Variants in STARD13 observed in about 807,000 individuals in gnomAD.
STARD13 encodes the protein stAR-related lipid transfer protein 13.
In STARD13, 62 loss-of-function variants were observed where a neutral mutation model predicts 106.4. That is an observed-to-expected ratio of 0.58 (90% CI 0.48 to 0.72). STARD13 has a LOEUF of 0.72. Ranked by LOEUF, STARD13 falls within the 30% of genes least tolerant of loss-of-function variation. The pLI is 0.00. For missense variants in STARD13, 1,387 were observed against 1,424.0 expected, an observed-to-expected ratio of 0.97 and a Z score of 0.42; for synonymous variants, 565 against 553.0, an observed-to-expected ratio of 1.02 and a Z score of -0.31.
the STARD13 span, among the ~76,000 whole-genome samples, chr13:33,400,920 C>T: frequency 6.6e-6 from 1 of 152,114 alleles, no homozygotes; most frequent in African/African-American, 2.4e-5. Context: ...CAAAGATTAA[C>T]GTGGAATGTC....
chr13:33,252,256 T>A (rs1306311912), intron 1 of STARD13, among the ~76,000 whole-genome samples: 1 of 152,216 alleles, frequency 6.6e-6, no homozygotes, highest in Non-Finnish European at 1.5e-5. Context: ...CACTCCTACG[T>A]CCTGCCTATT....
chr13:33,147,884 T>G (rs1438007198), intron 3 of STARD13, among the ~76,000 whole-genome samples: 1 of 152,094 alleles, frequency 6.6e-6, no homozygotes, highest in African/African-American at 2.4e-5. Flanking sequence ...AAGAGATAAA[T>G]GGAGCAGAAT....
At chr13:33,525,812 G>T in the STARD13 span, among the ~76,000 whole-genome samples, 2 of 152,062 alleles carry the variant, frequency 1.3e-5, no homozygotes. Context: ...TGGTGGGAGG[G>T]GGAATGTAGA....
the STARD13 span, among the ~76,000 whole-genome samples, chr13:33,376,115 A>G: frequency 6.6e-6 from 1 of 152,068 alleles, no homozygotes; most frequent in African/African-American, 2.4e-5. Flanking sequence ...GGTTTTGACC[A>G]TATTACTTAA....
the STARD13 span, among the ~76,000 whole-genome samples, chr13:33,410,785 C>T: frequency 2.0e-5 from 3 of 152,214 alleles, no homozygotes; most frequent in Non-Finnish European, 2.9e-5. Context: ...ACATTTCTGT[C>T]CTCTGGCAGA....
At chr13:33,419,212 A>C in the STARD13 span, among the ~76,000 whole-genome samples, 21 of 152,160 alleles carry the variant, frequency 1.4e-4, no homozygotes, top group African/African-American at 4.6e-4. Flanking sequence ...GAAGCTAAAA[A>C]CCTTGAAAAC....
chr13:33,443,173 T>A, the STARD13 span, among the ~76,000 whole-genome samples: 2 of 151,774 alleles, frequency 1.3e-5, no homozygotes, highest in African/African-American at 4.8e-5. Context: ...GGTCAGGAGA[T>A]GAGACCATCC....
the STARD13 span, chr13:33,439,694 CTCTT>C: frequency 7.9e-7 from 1 of 1,268,926 alleles, no homozygotes; most frequent in Non-Finnish European, 1.0e-6. Flanking sequence ...GACTTACCCA[CTCTT>C]TCTTTGGGTC....
rs371729541 is a variant in STARD13, at chr13:33,129,837, C to T, written c.840G>A (p.Arg280=). 10 of 1,612,960 alleles carry T rather than the reference C, an allele frequency of 6.2e-6. No individual in the cohort carries two copies. Among genetic ancestry groups the T allele is most frequent in the African/African-American group, 4.0e-5 (3 of 75,056 alleles). ...GAHGRHKGSG[R]TGGLVISGPM... ...GCCCACTGATCACCAGGCCACCTGT[C>T]CGCCCAGACCCCTTATGCCTCCCGT... is the stretch of plus-strand genomic sequence containing the variant. The change falls in exon 5 of 14, where the codon CGG becomes CGA. Residue 280 remains arginine (R), a synonymous_variant. Coordinates refer to ENST00000336934, the MANE Select transcript of STARD13 (RefSeq NM_178006.4).
the STARD13 span, among the ~76,000 whole-genome samples, chr13:33,498,458 G>T: frequency 2.6e-5 from 4 of 152,056 alleles, no homozygotes; most frequent in Non-Finnish European, 5.9e-5. Flanking sequence ...TTGCATTTTT[G>T]TAATAGGCAA....
At chr13:33,358,186 G>C in the STARD13 span, among the ~76,000 whole-genome samples, 1 of 152,216 alleles carries the variant, frequency 6.6e-6, no homozygotes. Context: ...TGCTGCGCTC[G>C]ATTTCTCGCC....
At chr13:33,276,874 C>G (rs1023610024) in intron 1 of STARD13, 1 of 152,126 alleles carries the variant, frequency 6.6e-6, no homozygotes, top group Admixed American at 6.5e-5. Context: ...CTCTGTCAGA[C>G]CTTTAAAATT....
At chr13:33,666,479 TAGAG>T in the STARD13 span, among the ~76,000 whole-genome samples, 1 of 151,634 alleles carries the variant, frequency 6.6e-6, no homozygotes, top group Non-Finnish European at 1.5e-5. Context: ...GTATTTTTAG[TAGAG>T]ATGGGATTTC....
At chr13:33,360,654 A>G in the STARD13 span, among the ~76,000 whole-genome samples, 1 of 134,976 alleles carries the variant, frequency 7.4e-6, no homozygotes, top group Non-Finnish European at 1.6e-5. Context: ...TGTAGACAGA[A>G]GGATTCCTTC....
At chr13:33,347,154 G>A (rs2078026118), downstream of STARD13, among the ~76,000 whole-genome samples, 3 of 152,264 alleles carry the variant, frequency 2.0e-5, no homozygotes, top group South Asian at 2.1e-4. Flanking sequence ...TATACACCAC[G>A]CAACGTTTCA....
the STARD13 span, among the ~76,000 whole-genome samples, chr13:33,356,818 T>TTG: frequency 6.6e-6 from 1 of 152,198 alleles, no homozygotes; most frequent in Admixed American, 6.5e-5. Flanking sequence ...AAGAAGTCAC[T>TTG]CATGAGAATT....
chr13:33,437,487 C>T, the STARD13 span, among the ~76,000 whole-genome samples: 21 of 152,150 alleles, frequency 1.4e-4, no homozygotes, highest in Non-Finnish European at 2.6e-4. Context: ...TCTGCTAAAA[C>T]GGAGCAAAGC....
intron 4 of STARD13, among the ~76,000 whole-genome samples, chr13:33,134,211 A>G (rs911185720): frequency 3.0e-5 from 4 of 133,862 alleles, no homozygotes; most frequent in Admixed American, 2.2e-4. Flanking sequence ...TCCTTGGGCC[A>G]TATTGGAAGA....
intron 3 of STARD13, among the ~76,000 whole-genome samples, chr13:33,159,711 C>A (rs1482357556): frequency 6.6e-6 from 1 of 152,110 alleles, no homozygotes; most frequent in East Asian, 1.9e-4. Flanking sequence ...TAGCAATGGG[C>A]AACTGAAGAC....
Sources: allele counts gnomAD v4.1 joint callset (sites outside exome capture counted in the v4.1 genomes callset), GRCh38; gene constraint gnomAD v4.1.1; transcripts MANE v1.5; gene names NCBI Gene and HGNC (gene_info 2026-07-23, HGNC 2026-07-21).